UGT1A8: variants seen among roughly 807,000 people sequenced by gnomAD.
UGT1A8 encodes the protein UDP glucuronosyltransferase family 1 member A8, also known as UDP-glucuronosyltransferase 1A8.
A neutral mutation model predicts 45.3 loss-of-function variants in UGT1A8; 39 were observed. That is an observed-to-expected ratio of 0.86 (90% CI 0.67 to 1.12). The LOEUF is 1.12. UGT1A8 is among the 50% of genes most tolerant of loss of function. UGT1A8 has a pLI of 0.00. For synonymous variants in UGT1A8, 275 were observed against 249.2 expected (o/e 1.10, Z -0.97); for missense variants, 719 against 664.9 (o/e 1.08, Z -0.90).
intron 1 of UGT1A8, chr2:233,730,033 A>G (rs1166211754): frequency 6.2e-7 from 1 of 1,613,140 alleles, no homozygotes; most frequent in African/African-American, 1.3e-5. Flanking sequence ...GTTCCAGGCA[A>G]AACACTTTTT....
intron 1 of UGT1A8, among the ~76,000 whole-genome samples, chr2:233,644,856 T>C (rs2073557141): frequency 6.6e-6 from 1 of 152,204 alleles, no homozygotes; most frequent in Non-Finnish European, 1.5e-5. Flanking sequence ...TTTTGGTTCT[T>C]ATGAAGGTGG....
intron 1 of UGT1A8, among the ~76,000 whole-genome samples, chr2:233,762,012 G>T (rs1697937713): frequency 6.6e-6 from 1 of 152,134 alleles, no homozygotes; most frequent in Non-Finnish European, 1.5e-5. Context: ...CCTCCAATGT[G>T]ATTTGTATTT....
chr2:233,682,903 CT>C, intron 1 of UGT1A8: 1 of 1,501,494 alleles, frequency 6.7e-7, no homozygotes, highest in South Asian at 1.4e-5. Context: ...GAATTTCTTT[CT>C]GGTTTAAGGA....
chr2:233,770,795 G>A (rs1575855208), intron 4 of UGT1A8: 1 of 152,228 alleles, frequency 6.6e-6, no homozygotes, highest in East Asian at 1.9e-4. Flanking sequence ...TTATAGATAT[G>A]TTTAAAGACA....
intron 1 of UGT1A8, among the ~76,000 whole-genome samples, chr2:233,644,991 G>T (rs2073560642): frequency 6.6e-6 from 1 of 152,076 alleles, no homozygotes; most frequent in African/African-American, 2.4e-5. Context: ...ACCCCTGATT[G>T]AGAAGCTGAA....
chr2:233,707,975 C>T (rs2075997873), intron 1 of UGT1A8, among the ~76,000 whole-genome samples: 1 of 152,082 alleles, frequency 6.6e-6, no homozygotes, highest in Admixed American at 6.5e-5. Flanking sequence ...AGTCTATTGC[C>T]CACTGGGTTG....
Position 233,747,479 on chromosome 2 carries a change from T to A in UGT1A8, c.856-19555T>A, listed in dbSNP as rs897770159. 3 of 1,608,758 alleles carry A rather than the reference T, an allele frequency of 1.9e-6. No individual in the cohort carries two copies. The African/African-American group carries it at 4.0e-5, about 22-fold the overall frequency. ...CCATTTCATGGACCCAGGATGAATT[T>A]GATCGCCTTGTGCTGGGCCACACTC... On this transcript the variant is annotated intron_variant, in intron 1 of 4. Coordinates refer to ENST00000373450, the MANE Select transcript of UGT1A8 (RefSeq NM_019076.5).
chr2:233,765,534 C>G (rs1303263434), intron 1 of UGT1A8, among the ~76,000 whole-genome samples: 1 of 152,060 alleles, frequency 6.6e-6, no homozygotes, highest in African/African-American at 2.4e-5. Context: ...CATGTTCTCA[C>G]TCATAAGTGG....
At chr2:233,659,150 T>C (rs1208719427) in intron 1 of UGT1A8, among the ~76,000 whole-genome samples, 1 of 152,220 alleles carries the variant, frequency 6.6e-6, no homozygotes, top group Non-Finnish European at 1.5e-5. Flanking sequence ...ATCAGATTTA[T>C]CCCTAAGTAT....
At chr2:233,636,585 C>T (rs776178940) in intron 1 of UGT1A8, 2 of 1,613,998 alleles carry the variant, frequency 1.2e-6, no homozygotes, top group African/African-American at 1.3e-5. Flanking sequence ...TGACCTGTGG[C>T]TTTGCCGAGG....
At chr2:233,637,234 CCT>C (rs1424435923) in intron 1 of UGT1A8, 8 of 1,613,928 alleles carry the variant, frequency 5.0e-6, no homozygotes, top group Middle Eastern at 1.7e-4. Flanking sequence ...TCTCCAAACC[CCT>C]GTCACGGCAT....
In UGT1A8 at chr2:233,769,245, A is replaced by G. The variant is rs1485950559; in HGVS notation, c.1295+806A>G. 6.6e-6 allele frequency among the ~76,000 whole-genome samples: 1 copy of G among 152,268 alleles called. No homozygotes were observed. The highest frequency in any genetic ancestry group is 2.4e-5 in the African/African-American group (1 of 41,474). The stretch of plus-strand genomic sequence containing the variant: ...ATAAGAGCAAAGGAAAATTTGCTCA[A>G]ATGTGGCCCTGAAAACGATTCAAAG... On this transcript the variant is annotated intron_variant, in intron 4 of 4. Transcript: ENST00000373450. The surrounding 1 kb of genome is among the most constrained non-coding windows in gnomAD (Gnocchi z 4.4).
chr2:233,636,784 C>G (rs756012859), intron 1 of UGT1A8: 1 of 1,614,138 alleles, frequency 6.2e-7, no homozygotes, highest in East Asian at 2.2e-5. Flanking sequence ...AGATCAGAAC[C>G]GGGAATTCAT....
chr2:233,693,856 C>T (rs1229039578), intron 1 of UGT1A8: 2 of 1,614,076 alleles, frequency 1.2e-6, no homozygotes, highest in Admixed American at 3.3e-5. Context: ...AGAGGAAAGA[C>T]TTGTCTCAGG....
chr2:233,649,651 C>CTT (rs1166387556), intron 1 of UGT1A8, among the ~76,000 whole-genome samples: 3 of 152,172 alleles, frequency 2.0e-5, no homozygotes, highest in Non-Finnish European at 4.4e-5. Flanking sequence ...GCATAAAAGT[C>CTT]TTTACTTTGG....
chr2:233,764,333 T>C (rs1001712287), intron 1 of UGT1A8, among the ~76,000 whole-genome samples: 8 of 152,206 alleles, frequency 5.3e-5, no homozygotes, highest in African/African-American at 1.9e-4. Flanking sequence ...AAGTAGGGGA[T>C]GGACTTCACC....
chr2:233,651,258 T>TC (rs985732405), intron 1 of UGT1A8, among the ~76,000 whole-genome samples: 75 of 152,302 alleles, frequency 4.9e-4, no homozygotes, highest in African/African-American at 1.7e-3. Flanking sequence ...TCCTGCCACT[T>TC]CCTGAACCCA....
chr2:233,720,538 C>T (rs377667530), intron 1 of UGT1A8, among the ~76,000 whole-genome samples: 1 of 152,064 alleles, frequency 6.6e-6, no homozygotes, highest in South Asian at 2.1e-4. Flanking sequence ...CTCACCCTAT[C>T]CCACTCCAAG....
At chr2:233,754,997 G>A in intron 1 of UGT1A8, 1 of 1,294,706 alleles carries the variant, frequency 7.7e-7, no homozygotes. Context: ...CACGGAAGCT[G>A]AAGACCTACT....
Sources: allele counts gnomAD v4.1 joint callset (sites outside exome capture counted in the v4.1 genomes callset), GRCh38; gene constraint gnomAD v4.1.1; non-coding constraint Gnocchi (gnomAD v3.1); transcripts MANE v1.5; gene names NCBI Gene and HGNC (gene_info 2026-07-23, HGNC 2026-07-21).